GC: variants seen among roughly 807,000 people sequenced by gnomAD.
The protein encoded by GC is vitamin D-binding protein.
A neutral mutation model predicts 56.7 loss-of-function variants in GC; 43 were observed. The ratio of observed to expected loss-of-function variants is 0.76; its 90% CI spans 0.59 to 0.98. The LOEUF is 0.98. Among genes scored for constraint, GC ranks in the 50% least tolerant of loss-of-function variants. GC has a pLI of 0.00. For missense variants in GC, 529 were observed against 545.9 expected (o/e 0.97, Z 0.31); for synonymous variants, 216 against 202.7 (o/e 1.07, Z -0.56).
At chr4:71,777,088 A>C (rs1316886065) in intron 1 of GC, among the ~76,000 whole-genome samples, 1 of 151,842 alleles carries the variant, frequency 6.6e-6, no homozygotes, top group Non-Finnish European at 1.5e-5. Flanking sequence ...TATAAAAAGT[A>C]GATATTTATA....
chr4:71,783,997 G>A lies in GC; in HGVS notation c.22C>T (p.Leu8=). ...GCATGTCCAAATGCCACAGCAAGCA[G>A]TAGTACCAGGACCCTCTTCATTTTT... MKRVLVL[L]LAVAFGHALE... Residue 8 remains leucine, a synonymous_variant, in exon 1 of 13, where the codon CTG becomes TTG. Coordinates refer to ENST00000273951, the MANE Select transcript of GC (RefSeq NM_000583.4). 2 of 1,603,112 alleles carry A rather than the reference G, an allele frequency of 1.2e-6. No homozygotes were observed. Among genetic ancestry groups the A allele is most frequent in the African/African-American group, 2.7e-5 (2 of 74,540 alleles).
chr4:71,755,307 C>T (rs528273370), intron 8 of GC, among the ~76,000 whole-genome samples, 200 bp from the exon 9 acceptor site: 59 of 151,916 alleles, frequency 3.9e-4, no homozygotes, highest in African/African-American at 1.1e-3. Flanking sequence ...GGATTATAGG[C>T]GCCCACCACC....
intron 12 of GC, among the ~76,000 whole-genome samples, chr4:71,744,182 C>T (rs1010945849): frequency 3.3e-5 from 5 of 151,848 alleles, no homozygotes; most frequent in African/African-American, 1.2e-4. Context: ...GTGGCTCATG[C>T]CTGTAATCCC....
At chr4:71,743,243 A>G (rs931324176) in intron 12 of GC, among the ~76,000 whole-genome samples, 1 of 152,204 alleles carries the variant, frequency 6.6e-6, no homozygotes, top group Non-Finnish European at 1.5e-5. Context: ...GAGTGAGTCA[A>G]ATCTCTAACT....
rs1407415536 is a variant in GC, at chr4:71,803,929, A to G, written c.18T>C (p.Ser6=). The G allele has an allele frequency of 2.7e-6, 4 of 1,501,406 alleles. No individual in the cohort carries two copies. The South Asian group carries it at 3.6e-5, about 14-fold the overall frequency. 93.0% of individuals were successfully genotyped at this position (1,501,406 alleles called of 1,614,324 possible). A position where few individuals can be genotyped will look rare whatever the true frequency, so the allele number is the denominator to read the frequency against. Residue 6 remains serine, a synonymous_variant, in exon 1 of 14, where the codon AGT becomes AGC. Transcript: ENST00000504199. The stretch of plus-strand genomic sequence containing the variant: ...ATTTGGAATTAGAACGCAGTACCTC[A>G]CTCCAAGACCACAGCATTTCCTACC...
At chr4:71,804,023 ATCTCTTTG>A in exon 1 of GC, 1 of 903,030 alleles carries the variant, frequency 1.1e-6, no homozygotes, top group African/African-American at 1.6e-5. Flanking sequence ...GGAGTAAGCA[ATCTCTTTG>A]AAAAAACAGT....
intron 8 of GC, 114 bp from the exon 9 acceptor site, chr4:71,755,221 G>A: frequency 2.9e-6 from 1 of 340,184 alleles, no homozygotes; most frequent in Non-Finnish European, 4.7e-6. Flanking sequence ...GGAGTGAAGT[G>A]GTGCCATCTT....
At chr4:71,761,924 G>C (rs939797113) in intron 6 of GC, among the ~76,000 whole-genome samples, 7 of 152,218 alleles carry the variant, frequency 4.6e-5, no homozygotes, top group African/African-American at 1.7e-4. Flanking sequence ...CTCTCATGGA[G>C]AACCTCTGCT....
At chr4:71,784,281 C>A, upstream of GC, 1 of 1,158,050 alleles carries the variant, frequency 8.6e-7, no homozygotes. Flanking sequence ...AGATTTTAAT[C>A]ATTAACTTTG....
At chr4:71,796,423 C>T (rs1015187368) in intron 1 of GC, among the ~76,000 whole-genome samples, 92 of 152,156 alleles carry the variant, frequency 6.0e-4, no homozygotes, top group African/African-American at 2.0e-3. Context: ...GATCTTCAAT[C>T]GCTGATATCC....
At chr4:71,781,056 T>C (rs1306175827) in intron 1 of GC, among the ~76,000 whole-genome samples, 2 of 152,006 alleles carry the variant, frequency 1.3e-5, no homozygotes, top group African/African-American at 2.4e-5. Context: ...TATGCAGCCA[T>C]AAAAAAGGAT....
At chr4:71,748,362 C>T (rs78587185) in intron 11 of GC, among the ~76,000 whole-genome samples, 82 of 152,154 alleles carry the variant, frequency 5.4e-4, no homozygotes, top group Non-Finnish European at 1.2e-3. Context: ...TATCACTCTA[C>T]TTGTCAGTCT....
chr4:71,752,899 A>G (rs531365630), intron 10 of GC, among the ~76,000 whole-genome samples: 22 of 152,112 alleles, frequency 1.4e-4, no homozygotes, highest in Non-Finnish European at 3.1e-4. Flanking sequence ...GTCTTCTTTC[A>G]TTTGCTCATT....
chr4:71,800,899 T>C (rs1361687447), intron 1 of GC, among the ~76,000 whole-genome samples: 1 of 152,212 alleles, frequency 6.6e-6, no homozygotes, highest in Non-Finnish European at 1.5e-5. Context: ...TTCTAGAAGA[T>C]TGGGGTACTC....
In GC at chr4:71,746,152, A is replaced by G. The variant is rs1180201495; in HGVS notation, c.*24T>C. ...CCTGCATTTATAAAATATACTTACC[A>G]AAGTTAATAAACATGCTTCAGGACT... On this transcript the variant is annotated splice_region_variant and 3_prime_UTR_variant, in exon 12 of 13. Transcript: ENST00000273951. 6 of 1,154,448 alleles carry G rather than the reference A, an allele frequency of 5.2e-6. No homozygotes were observed. Among genetic ancestry groups the G allele is most frequent in the African/African-American group, 3.1e-5 (2 of 65,494 alleles). The allele number at this position is 1,154,448 out of a possible 1,614,324, so 71.5% of individuals were successfully genotyped here.
chr4:71,776,893 T>A (rs568256813), intron 1 of GC, among the ~76,000 whole-genome samples: 15 of 152,004 alleles, frequency 9.9e-5, no homozygotes, highest in African/African-American at 3.6e-4. Context: ...TAAACCGAAA[T>A]CAAATTATGC....
At chr4:71,769,440 T>C (rs766451355) in intron 1 of GC, 40 bp from the exon 2 acceptor site, 2 of 1,277,802 alleles carry the variant, frequency 1.6e-6, no homozygotes, top group Admixed American at 3.4e-5. Context: ...GTGTCCCCTT[T>C]TGATGAATAT....
At chr4:71,776,562 G>A (rs998278978) in intron 1 of GC, among the ~76,000 whole-genome samples, 8 of 151,876 alleles carry the variant, frequency 5.3e-5, no homozygotes, top group Non-Finnish European at 8.8e-5. Context: ...TTAGACAGGA[G>A]GAATGTTTTG....
At chr4:71,801,550 A>T (rs1743249193) in intron 1 of GC, among the ~76,000 whole-genome samples, 2 of 152,138 alleles carry the variant, frequency 1.3e-5, no homozygotes. Flanking sequence ...GAAGTTCCTT[A>T]CTCACAGAAA....
Sources: gnomAD v4.1 joint callset for allele counts (sites outside exome capture counted in the v4.1 genomes callset) on GRCh38, gnomAD v4.1.1 for gene constraint, MANE v1.5 for transcripts, NCBI Gene and HGNC (gene_info 2026-07-23, HGNC 2026-07-21) for gene names.